Variants in COL5A2 observed in about 807,000 individuals in gnomAD.
COL5A2 encodes the protein collagen alpha-2(V) chain.
A neutral mutation model predicts 208.2 loss-of-function variants in COL5A2; 23 were observed. The observed-to-expected ratio is 0.11, with a 90% CI of 0.08 to 0.16. The LOEUF is 0.16. COL5A2 is among the 10% of genes least tolerant of loss of function. The pLI is 1.00. For synonymous variants in COL5A2, 625 were observed against 628.5 expected, an observed-to-expected ratio of 0.99 and a Z score of 0.08; for missense variants, 1,590 against 1,956.4, an observed-to-expected ratio of 0.81 and a Z score of 3.53.
the COL5A2 span, among the ~76,000 whole-genome samples, chr2:189,257,691 C>G: frequency 6.6e-6 from 1 of 152,100 alleles, no homozygotes; most frequent in African/African-American, 2.4e-5. Flanking sequence ...CCTGTTACCC[C>G]CTTCCCTCAG....
At chr2:189,210,082 C>G (rs1010691403) in intron 1 of COL5A2, among the ~76,000 whole-genome samples, 1 of 152,066 alleles carries the variant, frequency 6.6e-6, no homozygotes, top group Non-Finnish European at 1.5e-5. Context: ...GAATAGCAAA[C>G]AGTCTTCAGA....
At chr2:189,197,484 TA>T (rs1281397229) in intron 1 of COL5A2, among the ~76,000 whole-genome samples, 1 of 151,934 alleles carries the variant, frequency 6.6e-6, no homozygotes, top group Non-Finnish European at 1.5e-5. Context: ...AAATTATCAA[TA>T]AGGGAAGGTG....
At chr2:189,369,352 G>T in the COL5A2 span, among the ~76,000 whole-genome samples, 1 of 151,862 alleles carries the variant, frequency 6.6e-6, no homozygotes, top group South Asian at 2.1e-4. Context: ...ATTTCTTTTA[G>T]TTTGCATTTG....
At chr2:189,116,798 T>A (rs964157720) in intron 1 of COL5A2, among the ~76,000 whole-genome samples, 1 of 152,172 alleles carries the variant, frequency 6.6e-6, no homozygotes, top group African/African-American at 2.4e-5. Context: ...TTGAGCTGAG[T>A]TAAATTTTTG....
intron 9 of COL5A2, 43 bp downstream of exon 9, chr2:189,086,683 T>C (rs745603911): frequency 1.1e-5 from 16 of 1,447,808 alleles, no homozygotes; most frequent in Non-Finnish European, 1.5e-5. Flanking sequence ...TGTGTGTGTG[T>C]ATGTTTTTCT....
intron 1 of COL5A2, among the ~76,000 whole-genome samples, chr2:189,191,210 G>C (rs1475951511): frequency 7.1e-6 from 1 of 141,006 alleles, no homozygotes; most frequent in Non-Finnish European, 1.6e-5. Flanking sequence ...GTGGCTTAAA[G>C]AAATTGGTTA....
intron 1 of COL5A2, among the ~76,000 whole-genome samples, chr2:189,176,530 A>T (rs1297831361): frequency 6.6e-6 from 1 of 152,166 alleles, no homozygotes; most frequent in Non-Finnish European, 1.5e-5. Flanking sequence ...CATAACAAAG[A>T]TTATTTTCTA....
chr2:189,072,284 A>G (rs1686292091), intron 17 of COL5A2, among the ~76,000 whole-genome samples, 191 bp from the exon 18 acceptor site: 2 of 152,254 alleles, frequency 1.3e-5, no homozygotes, highest in Admixed American at 6.5e-5. Flanking sequence ...ATACTAAAAG[A>G]CATATCCAAG....
chr2:189,136,599 CTA>C (rs1687831656), intron 1 of COL5A2, among the ~76,000 whole-genome samples: 1 of 150,902 alleles, frequency 6.6e-6, no homozygotes, highest in Non-Finnish European at 1.5e-5. Flanking sequence ...GACATAAACA[CTA>C]TGAAATTTTA....
the COL5A2 span, among the ~76,000 whole-genome samples, chr2:189,332,118 A>G: frequency 6.6e-6 from 1 of 152,182 alleles, no homozygotes; most frequent in Admixed American, 6.5e-5. Flanking sequence ...GTATGTTACA[A>G]TAATAAAGCC....
chr2:189,323,567 C>A, the COL5A2 span, among the ~76,000 whole-genome samples: 1 of 152,150 alleles, frequency 6.6e-6, no homozygotes, highest in Non-Finnish European at 1.5e-5. Context: ...AACTCCCATT[C>A]ACATTTGCTT....
At chr2:189,117,611 T>G (rs1199710553) in intron 1 of COL5A2, among the ~76,000 whole-genome samples, 1 of 152,032 alleles carries the variant, frequency 6.6e-6, no homozygotes, top group Non-Finnish European at 1.5e-5. Flanking sequence ...ACATTCCAGA[T>G]TTCCTTCATC....
At chr2:189,155,747 C>T (rs966274052) in intron 1 of COL5A2, among the ~76,000 whole-genome samples, 2 of 151,980 alleles carry the variant, frequency 1.3e-5, no homozygotes, top group African/African-American at 4.8e-5. Context: ...CTAGCACAAA[C>T]CTCGTGATTT....
intron 1 of COL5A2, among the ~76,000 whole-genome samples, chr2:189,135,665 A>G (rs1403620934): frequency 1.3e-5 from 2 of 152,204 alleles, no homozygotes; most frequent in Non-Finnish European, 2.9e-5. Context: ...TTAATGAAAA[A>G]GAACACATAT....
the COL5A2 span, among the ~76,000 whole-genome samples, chr2:189,272,044 C>T: frequency 9.9e-5 from 15 of 152,206 alleles, no homozygotes; most frequent in South Asian, 4.2e-4. Flanking sequence ...GATATAGGAA[C>T]GCTTTTACAC....
chr2:189,128,030 T>C (rs1687642263), intron 1 of COL5A2, among the ~76,000 whole-genome samples: 1 of 151,904 alleles, frequency 6.6e-6, no homozygotes, highest in African/African-American at 2.4e-5. Context: ...CAAGATAAAT[T>C]TTTCTGAGTA....
At chr2:189,100,350 A>G (rs1341319843) in intron 3 of COL5A2, among the ~76,000 whole-genome samples, 1 of 152,122 alleles carries the variant, frequency 6.6e-6, no homozygotes, top group African/African-American at 2.4e-5. Context: ...GACATAAAAA[A>G]ATCCAGCGTG....
At chr2:189,085,830 G>T in intron 9 of COL5A2, 58 bp from the exon 10 acceptor site, 1 of 1,362,012 alleles carries the variant, frequency 7.3e-7, no homozygotes, top group Non-Finnish European at 1.0e-6. Context: ...ATTAAACCCT[G>T]TACTCTGTCA....
the COL5A2 span, among the ~76,000 whole-genome samples, chr2:189,330,132 C>T: frequency 3.9e-5 from 6 of 152,162 alleles, no homozygotes; most frequent in Non-Finnish European, 8.8e-5. Context: ...ATTTGACCTT[C>T]GCTAAATCAT....
Sources: allele counts gnomAD v4.1 joint callset (sites outside exome capture counted in the v4.1 genomes callset), GRCh38; gene constraint gnomAD v4.1.1; transcripts MANE v1.5; gene names NCBI Gene and HGNC (gene_info 2026-07-23, HGNC 2026-07-21).